The following IMMP2L variants were observed in gnomAD, a reference collection of about 807,000 sequenced individuals.
IMMP2L encodes the protein mitochondrial inner membrane protease subunit 2.
IMMP2L carries 18 observed loss-of-function variants against 19.3 expected under a neutral mutation model. The observed-to-expected ratio is 0.93, with a 90% confidence interval of 0.64 to 1.38. The LOEUF (loss-of-function observed/expected upper bound fraction) is 1.38. Ranked by LOEUF, IMMP2L falls within the 40% of genes most tolerant of loss-of-function variation. The pLI is 0.00. For missense variants in IMMP2L, 233 were observed against 218.2 expected, an observed-to-expected ratio of 1.07 and a Z score of -0.43; for synonymous variants, 76 against 73.0, an observed-to-expected ratio of 1.04 and a Z score of -0.21.
intron 5 of IMMP2L, among the ~76,000 whole-genome samples, chr7:110,832,259 A>C (rs1455200676): frequency 7.1e-6 from 1 of 141,764 alleles, no homozygotes; most frequent in Non-Finnish European, 1.6e-5. Context: ...GACTCCTCTC[A>C]AAACAAACAA....
At chr7:111,373,182 A>G (rs1830400511) in intron 3 of IMMP2L, among the ~76,000 whole-genome samples, 1 of 151,964 alleles carries the variant, frequency 6.6e-6, no homozygotes, top group South Asian at 2.1e-4. Flanking sequence ...TTGTTAAATG[A>G]GTATTTCTTA....
At chr7:110,800,050 A>G (rs77591061) in intron 5 of IMMP2L, among the ~76,000 whole-genome samples, 3,517 of 152,212 alleles carry the variant, frequency 0.023, 60 homozygotes, top group Middle Eastern at 0.034. Flanking sequence ...ATATTTATTA[A>G]TCTTTTCTTC....
At chr7:110,970,210 G>T (rs1049730722) in intron 3 of IMMP2L, among the ~76,000 whole-genome samples, 2 of 152,062 alleles carry the variant, frequency 1.3e-5, no homozygotes, top group Admixed American at 1.3e-4. Flanking sequence ...AAAAACAAAT[G>T]TCTTCATTTA....
chr7:111,396,270 A>G (rs1225022897), intron 3 of IMMP2L, among the ~76,000 whole-genome samples: 1 of 152,176 alleles, frequency 6.6e-6, no homozygotes, highest in Admixed American at 6.5e-5. Context: ...AATGCCCATC[A>G]ATGATAAACC....
intron 3 of IMMP2L, among the ~76,000 whole-genome samples, chr7:111,333,339 G>C (rs563853621): frequency 6.6e-6 from 1 of 151,876 alleles, no homozygotes; most frequent in Non-Finnish European, 1.5e-5. Context: ...TCATTGACTT[G>C]CTATCAGCAT....
chr7:111,432,385 T>A (rs191270632), intron 3 of IMMP2L, among the ~76,000 whole-genome samples: 1 of 151,922 alleles, frequency 6.6e-6, no homozygotes, highest in Admixed American at 6.5e-5. Context: ...GTGGGATTTA[T>A]CCTAGGGAAG....
intron 5 of IMMP2L, among the ~76,000 whole-genome samples, chr7:110,839,263 G>T (rs1453020061): frequency 6.6e-6 from 1 of 152,028 alleles, no homozygotes; most frequent in Non-Finnish European, 1.5e-5. Context: ...AGTTATGAAT[G>T]AACATTAGTA....
intron 3 of IMMP2L, among the ~76,000 whole-genome samples, chr7:111,288,895 T>C (rs865912992): frequency 1.3e-5 from 2 of 152,252 alleles, no homozygotes; most frequent in East Asian, 3.9e-4. Flanking sequence ...AAATACCATT[T>C]GACCCAGCCA....
intron 1 of IMMP2L, among the ~76,000 whole-genome samples, chr7:111,547,928 T>C (rs1178630654): frequency 6.6e-6 from 1 of 151,994 alleles, no homozygotes; most frequent in African/African-American, 2.4e-5. Context: ...CACCATGTTG[T>C]TCACACTGGT....
intron 3 of IMMP2L, among the ~76,000 whole-genome samples, chr7:111,157,554 A>G (rs969698023): frequency 6.6e-6 from 1 of 152,140 alleles, no homozygotes; most frequent in Non-Finnish European, 1.5e-5. Flanking sequence ...AGAGAGTAGA[A>G]TGATGGTTAC....
chr7:110,819,259 C>T (rs372067440), intron 5 of IMMP2L, among the ~76,000 whole-genome samples: 2 of 151,926 alleles, frequency 1.3e-5, no homozygotes, highest in African/African-American at 2.4e-5. Context: ...AGATAGGTTA[C>T]AGCGGAAGAG....
At chr7:111,198,325 C>A (rs998938802) in intron 3 of IMMP2L, among the ~76,000 whole-genome samples, 1 of 152,124 alleles carries the variant, frequency 6.6e-6, no homozygotes, top group African/African-American at 2.4e-5. Context: ...CAGGTCAGAA[C>A]GGCTCTCGGT....
chr7:110,705,224 A>C (rs181271254), intron 5 of IMMP2L, among the ~76,000 whole-genome samples: 3 of 152,178 alleles, frequency 2.0e-5, no homozygotes, highest in Non-Finnish European at 4.4e-5. Context: ...GTTGGCTAAA[A>C]TACCTCCAAA....
intron 3 of IMMP2L, among the ~76,000 whole-genome samples, chr7:111,455,341 C>T: frequency 6.6e-6 from 1 of 151,518 alleles, no homozygotes; most frequent in East Asian, 1.9e-4. Flanking sequence ...TTAATAAAGT[C>T]TTTGATACCC....
chr7:110,925,799 C>T (rs147444536), intron 4 of IMMP2L, among the ~76,000 whole-genome samples: 124 of 151,614 alleles, frequency 8.2e-4, no homozygotes, highest in African/African-American at 2.3e-3. Context: ...TCTCAATCCA[C>T]GAGAAAAGAA....
Position 111,504,342 on chromosome 7 carries a change from G to A in IMMP2L, c.135+16971C>T, listed in dbSNP as rs187658501. 1.3e-5 allele frequency among the ~76,000 whole-genome samples: 2 copies of A among 151,982 alleles called. 1 individual carries two copies. Among genetic ancestry groups the A allele is most frequent in the East Asian group, 3.9e-4 (2 of 5,182 alleles). ...AAAGAGGATATAAACAAATGGAAGG[G>A]CATTCCATGCTCATGGGTAGGAAGA... On this transcript the variant is annotated intron_variant, in intron 2 of 5. Transcript: ENST00000405709.
intron 4 of IMMP2L, among the ~76,000 whole-genome samples, chr7:110,926,216 T>C (rs997905619): frequency 7.2e-5 from 11 of 152,050 alleles, no homozygotes; most frequent in Non-Finnish European, 1.3e-4. Context: ...GGTGAGAAAA[T>C]TCCTTTATCC....
In IMMP2L at chr7:111,441,218, G is replaced by C. The variant is rs748131022; in HGVS notation, c.239+46020C>G. Among the ~76,000 whole-genome samples the C allele has an allele frequency of 2.0e-5, 3 of 151,788 alleles. No individual in the cohort carries two copies. In the South Asian group the frequency reaches 6.2e-4, roughly 31 times the overall value. ...ACTTTTGCTTTGCATTCACAACCTG[G>C]CTAACTGTTCAGCACAAGAGGCCTA... On this transcript the variant is annotated intron_variant, in intron 3 of 5. Coordinates refer to ENST00000405709, the MANE Select transcript of IMMP2L (RefSeq NM_032549.4).
chr7:111,130,718 C>A (rs1435838546), intron 3 of IMMP2L, among the ~76,000 whole-genome samples: 1 of 152,040 alleles, frequency 6.6e-6, no homozygotes, highest in African/African-American at 2.4e-5. Context: ...CTTAAACCAA[C>A]AGAGGTATCA....
Sources: allele counts gnomAD v4.1 joint callset (sites outside exome capture counted in the v4.1 genomes callset), GRCh38; gene constraint gnomAD v4.1.1; transcripts MANE v1.5; gene names NCBI Gene and HGNC (gene_info 2026-07-23, HGNC 2026-07-21).